DPF3: variants seen among roughly 807,000 people sequenced by gnomAD.
The protein encoded by DPF3 is zinc finger protein DPF3.
DPF3 carries 18 observed loss-of-function variants against 56.8 expected under a neutral mutation model. That is an observed-to-expected ratio of 0.32 (90% confidence interval 0.22 to 0.47). DPF3 has a LOEUF of 0.47. Ranked by LOEUF, DPF3 falls within the 20% of genes least tolerant of loss-of-function variation. The pLI is 1.00. For missense variants in DPF3, 403 were observed against 488.8 expected (o/e 0.82, Z 1.65); for synonymous variants, 188 against 180.2 (o/e 1.04, Z -0.35).
intron 1 of DPF3, among the ~76,000 whole-genome samples, chr14:72,792,957 CAG>C (rs1892502430): frequency 6.6e-6 from 1 of 151,816 alleles, no homozygotes; most frequent in Non-Finnish European, 1.5e-5. Flanking sequence ...TGCTGAAACA[CAG>C]AACTGGGTGT....
intron 2 of DPF3, among the ~76,000 whole-genome samples, chr14:72,754,317 G>C (rs1287337562): frequency 6.6e-6 from 1 of 152,166 alleles, no homozygotes; most frequent in Non-Finnish European, 1.5e-5. Context: ...GTCCTGAAGA[G>C]AGTGTCTGAT....
intron 5 of DPF3, among the ~76,000 whole-genome samples, chr14:72,723,184 C>G (rs1309386209): frequency 6.6e-6 from 1 of 152,000 alleles, no homozygotes; most frequent in Non-Finnish European, 1.5e-5. Context: ...TATCCCTCCC[C>G]CCAGCCCCTA....
rs1883137032 is a variant in DPF3, at chr14:72,813,214, A to G, written c.33-41321T>C. Among the ~76,000 whole-genome samples the G allele has an allele frequency of 3.3e-5, 5 of 152,116 alleles. 1 individual carries two copies. The South Asian group carries it at 1.0e-3, about 32-fold the overall frequency. ...AGTCAGGAGAGGGGTTCAGGGGACA[A>G]AAAATAGGGCTGGTGAAGAATTCCT... On this transcript the variant is annotated intron_variant, in intron 1 of 10. Transcript: ENST00000556509.
chr14:72,796,327 C>G (rs1892644993), intron 1 of DPF3, among the ~76,000 whole-genome samples: 1 of 152,148 alleles, frequency 6.6e-6, no homozygotes, highest in Non-Finnish European at 1.5e-5. Context: ...CATGGCAGAA[C>G]CCCATCTCTA....
intron 8 of DPF3, among the ~76,000 whole-genome samples, chr14:72,663,218 C>A (rs61994454): frequency 0.029 from 4,257 of 145,940 alleles, 78 homozygotes; most frequent in Middle Eastern, 0.043. Context: ...CAAACTGAAT[C>A]TTTTCACAGT....
At chr14:72,690,781 A>T (rs910069982) in intron 7 of DPF3, among the ~76,000 whole-genome samples, 1 of 152,220 alleles carries the variant, frequency 6.6e-6, no homozygotes, top group Non-Finnish European at 1.5e-5. Flanking sequence ...GAGAAGAGAT[A>T]TAAGGAGATA....
chr14:72,692,576 CA>C (rs1275284916), intron 7 of DPF3, among the ~76,000 whole-genome samples: 2 of 152,200 alleles, frequency 1.3e-5, no homozygotes, highest in Non-Finnish European at 2.9e-5. Context: ...CTCCAGGCAG[CA>C]TTTCTAAGGC....
chr14:72,710,489 G>T (rs929934987), intron 6 of DPF3, among the ~76,000 whole-genome samples: 12 of 152,240 alleles, frequency 7.9e-5, no homozygotes, highest in Middle Eastern at 3.2e-3. Context: ...GCAGTCAGGA[G>T]CCAGAAGCCT....
In DPF3 at chr14:72,841,910, C is replaced by T. The variant is rs888553102; in HGVS notation, c.32+52147G>A. ...CCAGCCTGGAAAATATCATGAGACT[C>T]CTCTCTCTACAAAAGAAATTTTTTT... On this transcript the variant is annotated intron_variant, in intron 1 of 10. Transcript: ENST00000556509. 3.3e-5 allele frequency among the ~76,000 whole-genome samples: 5 copies of T among 152,032 alleles called. No individual in the cohort carries two copies. The East Asian group carries it at 9.7e-4, about 29-fold the overall frequency.
chr14:72,791,848 A>G (rs575800827), intron 1 of DPF3, among the ~76,000 whole-genome samples: 1 of 152,312 alleles, frequency 6.6e-6, no homozygotes, highest in East Asian at 1.9e-4. Flanking sequence ...CCACCAGTAC[A>G]TGCTGCCTCA....
intron 9 of DPF3, among the ~76,000 whole-genome samples, chr14:72,629,252 G>A (rs1290439752): frequency 1.3e-5 from 2 of 152,290 alleles, no homozygotes; most frequent in Non-Finnish European, 2.9e-5. Context: ...AAGATTGGAC[G>A]TGTACTGATC....
At chr14:72,627,988 CT>C (rs2153566750) in intron 9 of DPF3, among the ~76,000 whole-genome samples, 1 of 152,036 alleles carries the variant, frequency 6.6e-6, no homozygotes, top group South Asian at 2.1e-4. Context: ...AATCTGTTAC[CT>C]TTTATGTTTG....
chr14:72,769,370 T>C (rs1207072213), intron 2 of DPF3, among the ~76,000 whole-genome samples: 1 of 152,162 alleles, frequency 6.6e-6, no homozygotes, highest in Non-Finnish European at 1.5e-5. Context: ...CATCAGAAAC[T>C]ACTGGGGTTG....
chr14:72,845,217 G>C (rs1406474204), intron 1 of DPF3, among the ~76,000 whole-genome samples: 2 of 113,048 alleles, frequency 1.8e-5, no homozygotes, highest in African/African-American at 5.6e-5. Context: ...GAGCCCAGTA[G>C]TAAGGAAAGA....
intron 6 of DPF3, among the ~76,000 whole-genome samples, chr14:72,711,524 G>A (rs1313192981): frequency 2.0e-5 from 3 of 152,092 alleles, no homozygotes; most frequent in East Asian, 1.9e-4. Context: ...AGATATGTCC[G>A]CTGCTCTTTG....
At chr14:72,752,380 A>G (rs1890615671) in intron 3 of DPF3, among the ~76,000 whole-genome samples, 1 of 152,238 alleles carries the variant, frequency 6.6e-6, no homozygotes, top group Admixed American at 6.5e-5. Flanking sequence ...AGATCAGCAT[A>G]GGCCAGGCAT....
chr14:72,640,383 A>G (rs1885519200), intron 8 of DPF3, among the ~76,000 whole-genome samples: 1 of 152,182 alleles, frequency 6.6e-6, no homozygotes, highest in Non-Finnish European at 1.5e-5. Context: ...TGGCTGGGGA[A>G]GGGGGACCAG....
chr14:72,769,792 A>AT (rs1891446114), intron 2 of DPF3, among the ~76,000 whole-genome samples: 1 of 152,124 alleles, frequency 6.6e-6, no homozygotes, highest in African/African-American at 2.4e-5. Context: ...AATACATCAA[A>AT]TATGTTTAAA....
chr14:72,851,792 G>C (rs1418473133), intron 1 of DPF3, among the ~76,000 whole-genome samples: 1 of 152,160 alleles, frequency 6.6e-6, no homozygotes, highest in Non-Finnish European at 1.5e-5. Context: ...GTGGGTAATC[G>C]CCCTCCTACC....
Sources: allele counts gnomAD v4.1 joint callset (sites outside exome capture counted in the v4.1 genomes callset), GRCh38; gene constraint gnomAD v4.1.1; transcripts MANE v1.5; gene names NCBI Gene and HGNC (gene_info 2026-07-23, HGNC 2026-07-21).